The following MTUS2 variants were observed in gnomAD, a reference collection of about 807,000 sequenced individuals.
The protein encoded by MTUS2 is microtubule-associated tumor suppressor candidate 2.
A neutral mutation model predicts 114.1 loss-of-function variants in MTUS2; 40 were observed. That is an observed-to-expected ratio of 0.35 (90% CI 0.27 to 0.46). The LOEUF (loss-of-function observed/expected upper bound fraction) is 0.46. Ranked by LOEUF, MTUS2 falls within the 20% of genes least tolerant of loss-of-function variation. The probability of loss-of-function intolerance (pLI) is 1.00; values close to 1 mark genes in which losing one functional copy is unlikely to be tolerated. For missense variants in MTUS2, 1,679 were observed against 1,705.4 expected, an observed-to-expected ratio of 0.98 and a Z score of 0.27; for synonymous variants, 688 against 672.0, an observed-to-expected ratio of 1.02 and a Z score of -0.37.
chr13:28,827,369 A>G (rs1193954136), intron 1 of MTUS2, among the ~76,000 whole-genome samples: 1 of 152,124 alleles, frequency 6.6e-6, no homozygotes, highest in East Asian at 1.9e-4. Context: ...GAGTGAGCTA[A>G]TTTGCCACTA....
chr13:29,333,188 G>GTTTCT (rs1351043853), intron 7 of MTUS2, among the ~76,000 whole-genome samples: 4 of 152,034 alleles, frequency 2.6e-5, no homozygotes, highest in Non-Finnish European at 4.4e-5. Context: ...TTTTGAGTGA[G>GTTTCT]TTTCTTTTCT....
intron 2 of MTUS2, among the ~76,000 whole-genome samples, chr13:28,968,660 A>G (rs1883712413): frequency 6.6e-6 from 1 of 152,186 alleles, no homozygotes; most frequent in Non-Finnish European, 1.5e-5. Flanking sequence ...TGTCCTATTT[A>G]TGAGTTTTAT....
chr13:28,997,077 A>C (rs1438672702), intron 2 of MTUS2, among the ~76,000 whole-genome samples: 1 of 152,178 alleles, frequency 6.6e-6, no homozygotes, highest in Non-Finnish European at 1.5e-5. Flanking sequence ...TGTGTCCCAG[A>C]GGTTCTGGTA....
At chr13:28,866,926 T>A (rs1285236255) in intron 2 of MTUS2, among the ~76,000 whole-genome samples, 1 of 152,182 alleles carries the variant, frequency 6.6e-6, no homozygotes, top group East Asian at 1.9e-4. Context: ...TCTGATAAAG[T>A]TTTTAAGGAC....
At chr13:29,334,014 G>C (rs913128652) in intron 7 of MTUS2, among the ~76,000 whole-genome samples, 1 of 151,996 alleles carries the variant, frequency 6.6e-6, no homozygotes, top group Non-Finnish European at 1.5e-5. Flanking sequence ...TGCAACCCCT[G>C]TTTTTTTGTT....
chr13:29,196,342 C>G (rs1477671020), intron 5 of MTUS2, among the ~76,000 whole-genome samples: 1 of 152,064 alleles, frequency 6.6e-6, no homozygotes, highest in Non-Finnish European at 1.5e-5. Context: ...AGGGATCTGC[C>G]TGCAACTACT....
chr13:28,833,403 C>T (rs971184114), intron 1 of MTUS2, among the ~76,000 whole-genome samples: 1 of 152,054 alleles, frequency 6.6e-6, no homozygotes, highest in African/African-American at 2.4e-5. Context: ...ACTGGTTTAA[C>T]ATCTGAAAAT....
At chr13:29,119,693 C>T (rs1891229398) in intron 5 of MTUS2, among the ~76,000 whole-genome samples, 1 of 152,162 alleles carries the variant, frequency 6.6e-6, no homozygotes, top group Admixed American at 6.5e-5. Context: ...GGGAAGAGAG[C>T]AAATTCAACC....
intron 8 of MTUS2, among the ~76,000 whole-genome samples, chr13:29,406,671 T>C (rs1220151978): frequency 6.6e-6 from 1 of 152,218 alleles, no homozygotes; most frequent in Non-Finnish European, 1.5e-5. Context: ...AGGTGTAATA[T>C]CAGAAGATGG....
chr13:29,085,271 GTTAT>G (rs2138749287), intron 4 of MTUS2, among the ~76,000 whole-genome samples: 1 of 152,232 alleles, frequency 6.6e-6, no homozygotes, highest in South Asian at 2.1e-4. Flanking sequence ...TTTAGTAACT[GTTAT>G]TTATTTTACT....
intron 2 of MTUS2, among the ~76,000 whole-genome samples, chr13:28,840,777 G>A (rs971134413): frequency 3.3e-5 from 5 of 152,198 alleles, no homozygotes; most frequent in Non-Finnish European, 7.3e-5. Flanking sequence ...GAGGACAGAA[G>A]ATAGAAACAA....
intron 5 of MTUS2, among the ~76,000 whole-genome samples, chr13:29,245,662 A>G (rs1593216439): frequency 6.6e-6 from 1 of 151,878 alleles, no homozygotes; most frequent in Admixed American, 6.6e-5. Context: ...GCTGGATTTT[A>G]ATAGGGTCTT....
At chr13:29,272,079 G>T (rs1016302642) in intron 5 of MTUS2, among the ~76,000 whole-genome samples, 3 of 152,086 alleles carry the variant, frequency 2.0e-5, no homozygotes, top group Admixed American at 6.6e-5. Flanking sequence ...AAATAGCTTT[G>T]TGGCAATGGC....
At chr13:28,930,301 G>T (rs1881547497) in intron 2 of MTUS2, among the ~76,000 whole-genome samples, 1 of 152,210 alleles carries the variant, frequency 6.6e-6, no homozygotes, top group Non-Finnish European at 1.5e-5. Context: ...CCTCGAGGCA[G>T]CTCTCCTACC....
In MTUS2 at chr13:29,314,988, C is replaced by G. The variant is rs1899927912; in HGVS notation, c.2807-9625C>G. Among the ~76,000 whole-genome samples the G allele has an allele frequency of 4.6e-5, 7 of 152,230 alleles. 1 individual carries two copies. The South Asian group carries it at 1.5e-3, about 32-fold the overall frequency. ...ATATACACAATGGAATACCATTCAT[C>G]CATTAAAAAGAATCGAGTTTTATCA... On this transcript the variant is annotated intron_variant, in intron 6 of 15. Coordinates refer to ENST00000612955, the MANE Select transcript of MTUS2 (RefSeq NM_001033602.4).
At chr13:29,006,335 T>A (rs2138403108) in intron 2 of MTUS2, among the ~76,000 whole-genome samples, 1 of 152,308 alleles carries the variant, frequency 6.6e-6, no homozygotes, top group East Asian at 1.9e-4. Context: ...TGTGGCCCAA[T>A]CAACAAGGTA....
intron 14 of MTUS2, among the ~76,000 whole-genome samples, chr13:29,498,757 G>A (rs1269923244): frequency 6.6e-6 from 1 of 152,162 alleles, no homozygotes; most frequent in Non-Finnish European, 1.5e-5. Context: ...CCTTCCTGAT[G>A]GGCAGTCTCT....
In MTUS2 at chr13:28,986,008, A is replaced by G. The variant is rs571070952; in HGVS notation, c.-242-38449A>G. Among the ~76,000 whole-genome samples, 9 of 152,258 alleles carry G rather than the reference A, an allele frequency of 5.9e-5. No homozygotes were observed. In the South Asian group the frequency reaches 1.9e-3, roughly 32 times the overall value. Reference sequence around the variant, plus strand: ...AATAAATCTCAATCTCTTTCTCTCGAGCTCTGATGAATGGACCTCTCTTGA... The same window carrying G: ...AATAAATCTCAATCTCTTTCTCTCGGGCTCTGATGAATGGACCTCTCTTGA... On this transcript the variant is annotated intron_variant, in intron 2 of 15. Transcript: ENST00000612955.
intron 8 of MTUS2, among the ~76,000 whole-genome samples, chr13:29,378,154 G>A (rs1871897429): frequency 6.6e-6 from 1 of 152,088 alleles, no homozygotes; most frequent in Admixed American, 6.5e-5. Flanking sequence ...GAATAGTGAA[G>A]CTGTTTTGTA....
Sources: gnomAD v4.1 joint callset for allele counts (sites outside exome capture counted in the v4.1 genomes callset) on GRCh38, gnomAD v4.1.1 for gene constraint, MANE v1.5 for transcripts, NCBI Gene and HGNC (gene_info 2026-07-23, HGNC 2026-07-21) for gene names.